Variants in PLPP3 observed in about 807,000 individuals in gnomAD.
PLPP3 encodes the protein phospholipid phosphatase 3, also known as PAP2 beta.
PLPP3 carries 6 observed loss-of-function variants against 29.6 expected under a neutral mutation model. The ratio of observed to expected loss-of-function variants is 0.20; its 90% confidence interval spans 0.11 to 0.40. The LOEUF (loss-of-function observed/expected upper bound fraction) is 0.40. PLPP3 is among the 10% of genes least tolerant of loss of function. PLPP3 has a pLI of 1.00. For synonymous variants in PLPP3, 152 were observed against 159.7 expected (o/e 0.95, Z 0.36); for missense variants, 308 against 407.7 (o/e 0.76, Z 2.11).
chr1:56,523,720 T>C (rs1645834248), intron 4 of PLPP3, 103 bp downstream of exon 4: 9 of 1,298,446 alleles, frequency 6.9e-6, no homozygotes, highest in Non-Finnish European at 1.0e-5. Flanking sequence ...TTTTCAAGGA[T>C]TTCACAGTGA....
At chr1:56,526,309 T>C (rs1645852779) in intron 2 of PLPP3, among the ~76,000 whole-genome samples, 2 of 152,176 alleles carry the variant, frequency 1.3e-5, no homozygotes, top group Admixed American at 1.3e-4. Context: ...TGATAACACG[T>C]TGCAGAGATT....
intron 1 of PLPP3, among the ~76,000 whole-genome samples, chr1:56,561,154 C>T (rs1646125483): frequency 6.6e-6 from 1 of 151,860 alleles, no homozygotes; most frequent in Non-Finnish European, 1.5e-5. Flanking sequence ...GCCCAGAGCC[C>T]TCTTTAAGGC....
At chr1:56,534,473 G>A (rs1645911030) in intron 2 of PLPP3, among the ~76,000 whole-genome samples, 1 of 152,100 alleles carries the variant, frequency 6.6e-6, no homozygotes, top group Non-Finnish European at 1.5e-5. Context: ...ACTCAGTCAA[G>A]GCCTCTCTTG....
At chr1:56,498,103 G>A (rs1020284899) in intron 5 of PLPP3, among the ~76,000 whole-genome samples, 1 of 151,808 alleles carries the variant, frequency 6.6e-6, no homozygotes, top group Non-Finnish European at 1.5e-5. Context: ...AATATTAGCC[G>A]AGAAGTGTAA....
At chr1:56,529,444 T>C (rs1645872562) in intron 2 of PLPP3, among the ~76,000 whole-genome samples, 1 of 152,198 alleles carries the variant, frequency 6.6e-6, no homozygotes, top group Admixed American at 6.5e-5. Flanking sequence ...GGTCAAGTTG[T>C]TCTTTTACAT....
chr1:56,497,678 A>C (rs1337826377), intron 5 of PLPP3, among the ~76,000 whole-genome samples: 2 of 152,360 alleles, frequency 1.3e-5, no homozygotes, highest in East Asian at 3.9e-4. Flanking sequence ...TAATGTGCTC[A>C]CTACTAATGA....
chr1:56,535,749 T>C (rs570625625), intron 2 of PLPP3, among the ~76,000 whole-genome samples: 54 of 152,254 alleles, frequency 3.5e-4, no homozygotes, highest in African/African-American at 1.3e-3. Flanking sequence ...GAAGCTACTT[T>C]AGCATTTTCC....
chr1:56,562,299 T>C lies in PLPP3; in HGVS notation c.139+16579A>G, dbSNP rs141115435. ...GTCAACAAGGGGTCAGAAAGTCCTG[T>C]TCTGAAGAGACAGGCCTATGTGATC... On this transcript the variant is annotated intron_variant, in intron 1 of 5. Coordinates refer to ENST00000371250, the MANE Select transcript of PLPP3 (RefSeq NM_003713.5). 1.9e-3 allele frequency among the ~76,000 whole-genome samples: 291 copies of C among 152,190 alleles called. 3 individuals are homozygous for C. The highest frequency in any genetic ancestry group is 3.4e-3 in the Middle Eastern group (1 of 294).
chr1:56,538,723 G>A (rs953645596), intron 1 of PLPP3: 3 of 234,436 alleles, frequency 1.3e-5, no homozygotes, highest in Non-Finnish European at 2.6e-5. Flanking sequence ...GAGAATTAAT[G>A]TGCATATTGA....
chr1:56,565,546 G>A (rs1159201852), intron 1 of PLPP3, among the ~76,000 whole-genome samples: 1 of 151,814 alleles, frequency 6.6e-6, no homozygotes, highest in East Asian at 1.9e-4. Context: ...TCAGCCTCCC[G>A]AGTAGCTGGG....
chr1:56,564,558 CAACAAATTT>C (rs1646149423), intron 1 of PLPP3, among the ~76,000 whole-genome samples: 1 of 152,168 alleles, frequency 6.6e-6, no homozygotes, highest in African/African-American at 2.4e-5. Flanking sequence ...ACAGCTGCAA[CAACAAATTT>C]ATGGCAAAAT....
chr1:56,573,191 T>G (rs1646212221), intron 1 of PLPP3, among the ~76,000 whole-genome samples: 1 of 152,226 alleles, frequency 6.6e-6, no homozygotes, highest in Admixed American at 6.5e-5. Context: ...GCTGGCAACT[T>G]CAATTACATA....
At chr1:56,498,340 G>C (rs1463171334) in intron 5 of PLPP3, among the ~76,000 whole-genome samples, 1 of 152,096 alleles carries the variant, frequency 6.6e-6, no homozygotes. Flanking sequence ...CTTTGTAGTT[G>C]GTTTGGGAAA....
At chr1:56,539,572 T>C (rs1645953995) in intron 1 of PLPP3, among the ~76,000 whole-genome samples, 1 of 151,478 alleles carries the variant, frequency 6.6e-6, no homozygotes, top group Non-Finnish European at 1.5e-5. Context: ...CACACCACAG[T>C]ATTGTGCCTG....
chr1:56,551,386 G>A (rs1569585706), intron 1 of PLPP3, among the ~76,000 whole-genome samples: 1 of 151,328 alleles, frequency 6.6e-6, no homozygotes, highest in Admixed American at 6.6e-5. Flanking sequence ...GCCAAGTCCT[G>A]GCAGTGTGAT....
At chr1:56,529,184 T>C (rs1271730307) in intron 2 of PLPP3, among the ~76,000 whole-genome samples, 1 of 152,104 alleles carries the variant, frequency 6.6e-6, no homozygotes, top group Non-Finnish European at 1.5e-5. Context: ...TAAATGAGTA[T>C]GATGAAGGCC....
intron 1 of PLPP3, among the ~76,000 whole-genome samples, chr1:56,570,862 G>A (rs566075017): frequency 5.3e-5 from 8 of 152,204 alleles, no homozygotes; most frequent in African/African-American, 1.9e-4. Context: ...TCATTCAGCA[G>A]TGATCTTGGT....
chr1:56,539,921 T>C (rs575035054), intron 1 of PLPP3, among the ~76,000 whole-genome samples: 1 of 152,302 alleles, frequency 6.6e-6, no homozygotes, highest in South Asian at 2.1e-4. Flanking sequence ...AGCCAAAGTG[T>C]TGCTAATAAA....
rs368031284 is a variant in PLPP3, at chr1:56,531,159, T to C, written c.297+5796A>G. ...TGATGATGAAGCCTTGGCATAAGCC[T>C]TAGCCTTAAGTGCTCTTCCTCTGAA... On this transcript the variant is annotated intron_variant, in intron 2 of 5. Transcript: ENST00000371250. 4.9e-4 allele frequency among the ~76,000 whole-genome samples: 75 copies of C among 152,320 alleles called. 1 individual carries two copies. The South Asian group carries it at 0.015, about 31-fold the overall frequency.
Sources: gnomAD v4.1 joint callset for allele counts (sites outside exome capture counted in the v4.1 genomes callset) on GRCh38, gnomAD v4.1.1 for gene constraint, MANE v1.5 for transcripts, NCBI Gene and HGNC (gene_info 2026-07-23, HGNC 2026-07-21) for gene names.